ADAMTSL1: variants seen among roughly 807,000 people sequenced by gnomAD.
The protein encoded by ADAMTSL1 is ADAMTS-like protein 1.
A neutral mutation model predicts 201.8 loss-of-function variants in ADAMTSL1; 126 were observed. The ratio of observed to expected loss-of-function variants is 0.62; its 90% CI spans 0.54 to 0.72. The LOEUF is 0.72. Among genes scored for constraint, ADAMTSL1 ranks in the 30% least tolerant of loss-of-function variants. The pLI, the probability that ADAMTSL1 is intolerant of heterozygous loss-of-function variation, is 0.00. For missense variants in ADAMTSL1, 2,679 were observed against 2,277.8 expected, an observed-to-expected ratio of 1.18 and a Z score of -3.59; for synonymous variants, 1,121 against 903.4, an observed-to-expected ratio of 1.24 and a Z score of -4.32.
intron 2 of ADAMTSL1, among the ~76,000 whole-genome samples, chr9:18,510,782 C>T (rs1817977790): frequency 1.3e-5 from 2 of 151,724 alleles, no homozygotes; most frequent in Admixed American, 1.3e-4. Context: ...AGAGACTATA[C>T]CTACTGGTGC....
intron 2 of ADAMTSL1, among the ~76,000 whole-genome samples, chr9:18,167,015 T>C (rs1389506506): frequency 4.6e-5 from 7 of 151,998 alleles, no homozygotes; most frequent in Non-Finnish European, 8.8e-5. Flanking sequence ...AGAAGCTATT[T>C]AAGTGAGCCA....
chr9:18,039,954 A>G (rs1563964360), intron 1 of ADAMTSL1, among the ~76,000 whole-genome samples: 1 of 152,184 alleles, frequency 6.6e-6, no homozygotes, highest in South Asian at 2.1e-4. Flanking sequence ...ATATGCTACT[A>G]TATATTGCTA....
chr9:18,732,279 C>T lies in ADAMTSL1; in HGVS notation c.2006+10614C>T, dbSNP rs544728160. On this transcript the variant is annotated intron_variant, in intron 15 of 28. Coordinates refer to ENST00000380548, the MANE Select transcript of ADAMTSL1 (RefSeq NM_001040272.6). ...GGGTAAAGCGAAGCTATGGATAGAA[C>T]CTAGCTTCAAGCCAGCTTTCTGTAC... Among the ~76,000 whole-genome samples, 3 of 152,296 alleles carry T rather than the reference C, an allele frequency of 2.0e-5. No homozygotes were observed. In the South Asian group the frequency reaches 6.2e-4, roughly 32 times the overall value.
chr9:18,887,088 G>T (rs759541156), intron 23 of ADAMTSL1, among the ~76,000 whole-genome samples: 1 of 152,154 alleles, frequency 6.6e-6, no homozygotes, highest in Admixed American at 6.5e-5. Context: ...TCTGTGGAAG[G>T]TAAGTTGCTG....
intron 2 of ADAMTSL1, among the ~76,000 whole-genome samples, chr9:18,464,102 G>A (rs1226264499): frequency 6.6e-6 from 1 of 152,170 alleles, no homozygotes; most frequent in African/African-American, 2.4e-5. Flanking sequence ...TGGTGATAAT[G>A]ATTTACTGTG....
At chr9:18,094,482 G>T (rs1824157263) in intron 1 of ADAMTSL1, among the ~76,000 whole-genome samples, 1 of 152,098 alleles carries the variant, frequency 6.6e-6, no homozygotes, top group Non-Finnish European at 1.5e-5. Context: ...GTCATCCATT[G>T]TGTGTACAGA....
At chr9:18,771,516 T>C (rs1820686836) in intron 17 of ADAMTSL1, among the ~76,000 whole-genome samples, 1 of 152,206 alleles carries the variant, frequency 6.6e-6, no homozygotes, top group African/African-American at 2.4e-5. Context: ...TCGAGTTGCC[T>C]TCGACTTCTC....
chr9:18,832,076 A>C (rs1266852220), intron 23 of ADAMTSL1, among the ~76,000 whole-genome samples: 1 of 152,252 alleles, frequency 6.6e-6, no homozygotes, highest in Non-Finnish European at 1.5e-5. Flanking sequence ...CATTGCTTTA[A>C]GACTGATGAC....
chr9:18,219,568 C>T (rs1265342139), intron 2 of ADAMTSL1, among the ~76,000 whole-genome samples: 1 of 151,956 alleles, frequency 6.6e-6, no homozygotes, highest in East Asian at 1.9e-4. Flanking sequence ...AGGGTTTCAC[C>T]ACATTGGCCA....
intron 1 of ADAMTSL1, among the ~76,000 whole-genome samples, chr9:18,142,022 C>T (rs1203153987): frequency 6.6e-6 from 1 of 152,198 alleles, no homozygotes; most frequent in Admixed American, 6.5e-5. Context: ...ATGTAGTAGG[C>T]AAACTCAGTA....
At chr9:18,189,193 C>G (rs1828866995) in intron 2 of ADAMTSL1, among the ~76,000 whole-genome samples, 1 of 152,114 alleles carries the variant, frequency 6.6e-6, no homozygotes, top group South Asian at 2.1e-4. Flanking sequence ...CTGCTTCCAA[C>G]TGAGGTGGGA....
chr9:18,001,503 T>A (rs956943576), intron 1 of ADAMTSL1, among the ~76,000 whole-genome samples: 1 of 152,034 alleles, frequency 6.6e-6, no homozygotes, highest in African/African-American at 2.4e-5. Flanking sequence ...AGAAAGCTAC[T>A]GATCCCATGG....
intron 2 of ADAMTSL1, among the ~76,000 whole-genome samples, chr9:18,458,097 T>C (rs547087068): frequency 2.6e-5 from 4 of 152,334 alleles, no homozygotes; most frequent in South Asian, 2.1e-4. Context: ...TACTCCTTTT[T>C]TTGCAATTGC....
At chr9:18,272,882 C>T (rs563919133) in intron 2 of ADAMTSL1, among the ~76,000 whole-genome samples, 7 of 152,140 alleles carry the variant, frequency 4.6e-5, no homozygotes, top group African/African-American at 1.7e-4. Flanking sequence ...CTGCACCAAC[C>T]TTTGTTTTGC....
chr9:18,207,613 A>G (rs1829706873), intron 2 of ADAMTSL1, among the ~76,000 whole-genome samples: 1 of 152,234 alleles, frequency 6.6e-6, no homozygotes, highest in Non-Finnish European at 1.5e-5. Flanking sequence ...TTTAATGCAG[A>G]TGAAAAGGTG....
rs182819183 is a variant in ADAMTSL1 at position 18,310,868 on chromosome 9, G to T, written c.207+146887G>T. Among the ~76,000 whole-genome samples, 50 of 152,230 alleles carry T rather than the reference G, an allele frequency of 3.3e-4. No individual in the cohort carries two copies. The East Asian group carries it at 9.3e-3, about 28-fold the overall frequency. On this transcript the variant is annotated intron_variant, in intron 2 of 29. Coordinates refer to the ADAMTSL1 transcript ENST00000680146. ...TCCATTACTGGGTATATACCCAAAG[G>T]ATTATAAATCATGCTGCTATGAAGA...
chr9:18,682,107 C>A, intron 12 of ADAMTSL1, 148 bp downstream of exon 12: 1 of 950,464 alleles, frequency 1.1e-6, no homozygotes, highest in Non-Finnish European at 1.5e-6. Flanking sequence ...ATTTGATTAT[C>A]TTAAAGAATC....
At chr9:17,935,909 T>C (rs929450739) in intron 1 of ADAMTSL1, among the ~76,000 whole-genome samples, 3 of 152,204 alleles carry the variant, frequency 2.0e-5, no homozygotes, top group Non-Finnish European at 4.4e-5. Flanking sequence ...CCTCCAGTGC[T>C]TCCCATCTTC....
chr9:18,311,958 A>C (rs1381443313), intron 2 of ADAMTSL1, among the ~76,000 whole-genome samples: 1 of 152,218 alleles, frequency 6.6e-6, no homozygotes, highest in African/African-American at 2.4e-5. Context: ...ACAGACAATT[A>C]CATATCTGTT....
Sources: allele counts gnomAD v4.1 joint callset (sites outside exome capture counted in the v4.1 genomes callset), GRCh38; gene constraint gnomAD v4.1.1; transcripts MANE v1.5; gene names NCBI Gene and HGNC (gene_info 2026-07-23, HGNC 2026-07-21).